Variants in TBC1D5 observed in about 807,000 individuals in gnomAD.
The protein encoded by TBC1D5 is TBC1 domain family, member 5.
In TBC1D5, 75 loss-of-function variants were observed where a neutral mutation model predicts 100.3. The ratio of observed to expected loss-of-function variants is 0.75; its 90% CI spans 0.62 to 0.91. TBC1D5 has a LOEUF of 0.91. Ranked by LOEUF, TBC1D5 falls within the 40% of genes least tolerant of loss-of-function variation. The pLI, the probability that TBC1D5 is intolerant of heterozygous loss-of-function variation, is 0.00. For missense variants in TBC1D5, 910 were observed against 942.4 expected, an observed-to-expected ratio of 0.97 and a Z score of 0.45; for synonymous variants, 323 against 325.6, an observed-to-expected ratio of 0.99 and a Z score of 0.09.
chr3:17,667,393 C>T lies in TBC1D5; in HGVS notation c.-100-43480G>A, dbSNP rs148709424. Among the ~76,000 whole-genome samples the T allele has an allele frequency of 4.6e-3, 699 of 152,188 alleles. 7 individuals are homozygous for T. The highest frequency in any genetic ancestry group is 0.016 in the African/African-American group (644 of 41,532). On this transcript the variant is annotated intron_variant, in intron 1 of 21. Coordinates refer to ENST00000253692, the Ensembl canonical transcript of TBC1D5. ...AAGCCCTTTATTTTAGAAAGAACCA[C>T]TGATTTTCAACGCAATTACTTTTGT...
intron 2 of TBC1D5, among the ~76,000 whole-genome samples, chr3:17,587,002 A>T (rs1028964850): frequency 6.6e-6 from 1 of 152,080 alleles, no homozygotes. Flanking sequence ...TGTGAAAAAA[A>T]TTCCATTGAA....
At chr3:17,399,040 G>A (rs2093581185) in intron 8 of TBC1D5, among the ~76,000 whole-genome samples, 1 of 152,108 alleles carries the variant, frequency 6.6e-6, no homozygotes. Flanking sequence ...AATCTAACAG[G>A]AAGCAGAGGG....
chr3:17,684,834 T>C (rs2070028388), intron 1 of TBC1D5, among the ~76,000 whole-genome samples: 1 of 151,932 alleles, frequency 6.6e-6, no homozygotes, highest in Non-Finnish European at 1.5e-5. Context: ...AAGGTGGATT[T>C]AAAAAAACAA....
intron 1 of TBC1D5, among the ~76,000 whole-genome samples, chr3:17,690,975 T>C (rs2071071900): frequency 1.3e-5 from 2 of 152,074 alleles, no homozygotes; most frequent in Non-Finnish European, 2.9e-5. Context: ...TGTTTAAGGG[T>C]TTAGTTAGCA....
At chr3:17,658,125 G>C (rs1004585140) in intron 1 of TBC1D5, among the ~76,000 whole-genome samples, 8 of 152,198 alleles carry the variant, frequency 5.3e-5, no homozygotes, top group Non-Finnish European at 8.8e-5. Context: ...GTGGCAGTCT[G>C]TACATCATCT....
intron 13 of TBC1D5, among the ~76,000 whole-genome samples, chr3:17,308,933 A>G (rs963132365): frequency 6.6e-6 from 1 of 152,110 alleles, no homozygotes; most frequent in African/African-American, 2.4e-5. Context: ...TAATTCTTAT[A>G]AGAAAAAAAT....
At chr3:17,716,820 T>A (rs1441433886) in intron 1 of TBC1D5, among the ~76,000 whole-genome samples, 4 of 152,190 alleles carry the variant, frequency 2.6e-5, no homozygotes, top group Non-Finnish European at 1.5e-5. Flanking sequence ...TATCTACCAT[T>A]TGTTTTTATT....
chr3:17,315,416 C>A (rs2084571778), intron 13 of TBC1D5, among the ~76,000 whole-genome samples: 1 of 152,324 alleles, frequency 6.6e-6, no homozygotes, highest in East Asian at 1.9e-4. Context: ...CATGTAGAAG[C>A]CCCATGATAC....
At chr3:17,427,272 A>C (rs1329904626) in intron 4 of TBC1D5, among the ~76,000 whole-genome samples, 1 of 151,978 alleles carries the variant, frequency 6.6e-6, no homozygotes, top group East Asian at 1.9e-4. Flanking sequence ...TGAACAACTG[A>C]TTATGTATAC....
chr3:17,635,211 G>C (rs1271643304), intron 1 of TBC1D5, among the ~76,000 whole-genome samples: 1 of 152,076 alleles, frequency 6.6e-6, no homozygotes, highest in Non-Finnish European at 1.5e-5. Context: ...AAGAACAGGA[G>C]GTCAGTTTTT....
chr3:17,406,602 T>C (rs2093776914), intron 4 of TBC1D5, 76 bp from the exon 5 acceptor site: 1 of 1,354,128 alleles, frequency 7.4e-7, no homozygotes. Context: ...TACGGGAAAT[T>C]AATTTTAAGT....
intron 3 of TBC1D5, among the ~76,000 whole-genome samples, chr3:17,460,639 C>CTATT (rs1452784505): frequency 1.1e-4 from 16 of 151,924 alleles, no homozygotes; most frequent in Admixed American, 6.6e-4. Flanking sequence ...TCAAATTTGA[C>CTATT]TATTTTCAAA....
intron 2 of TBC1D5, among the ~76,000 whole-genome samples, chr3:17,577,923 G>A (rs913628993): frequency 7.9e-5 from 12 of 151,884 alleles, no homozygotes; most frequent in Non-Finnish European, 1.6e-4. Flanking sequence ...ATGACTTCCC[G>A]TCACTTATGT....
intron 2 of TBC1D5, among the ~76,000 whole-genome samples, chr3:17,593,327 G>C (rs1451343342): frequency 6.6e-6 from 1 of 152,156 alleles, no homozygotes; most frequent in Non-Finnish European, 1.5e-5. Context: ...AGTGGTCATG[G>C]TGGCAGGGAT....
chr3:17,727,430 T>C (rs2076217359), intron 1 of TBC1D5, among the ~76,000 whole-genome samples: 1 of 152,044 alleles, frequency 6.6e-6, no homozygotes, highest in South Asian at 2.1e-4. Context: ...GCTTAGCCAG[T>C]GTGGTGAAAA....
chr3:17,519,389 C>A (rs542343011), intron 2 of TBC1D5, among the ~76,000 whole-genome samples: 1 of 152,344 alleles, frequency 6.6e-6, no homozygotes, highest in African/African-American at 2.4e-5. Context: ...TGTGGCTCCT[C>A]TGCAAGGCAC....
At chr3:17,227,842 TAAAATAA>T (rs1396971970) in intron 17 of TBC1D5, among the ~76,000 whole-genome samples, 3 of 144,794 alleles carry the variant, frequency 2.1e-5, no homozygotes, top group Admixed American at 1.4e-4. Context: ...CCACTGAACC[TAAAATAA>T]AAGTTTTTTT....
rs189642707 is a variant in TBC1D5 at position 17,456,295 on chromosome 3, A to C, written c.98-27776T>G. ...ACAGGCAATCAAACCAAAAATTGACAAATGGGATCACATCAAGTTAAAAAT... is the reference window on the plus strand; with the variant it reads ...ACAGGCAATCAAACCAAAAATTGACCAATGGGATCACATCAAGTTAAAAAT... On this transcript the variant is annotated intron_variant, in intron 3 of 21. Transcript: ENST00000253692. Among the ~76,000 whole-genome samples, 20 of 152,326 alleles carry C rather than the reference A, an allele frequency of 1.3e-4. No individual in the cohort carries two copies. In the East Asian group the frequency reaches 3.5e-3, roughly 26 times the overall value.
At chr3:17,159,940 G>A (rs1274915244) in exon 22 of TBC1D5, 3 of 152,244 alleles carry the variant, frequency 2.0e-5, no homozygotes, top group Non-Finnish European at 4.4e-5. Context: ...CTACCTTAAG[G>A]CCAATGAGGG....
Sources: gnomAD v4.1 joint callset for allele counts (sites outside exome capture counted in the v4.1 genomes callset) on GRCh38, gnomAD v4.1.1 for gene constraint, MANE v1.5 for transcripts, NCBI Gene and HGNC (gene_info 2026-07-23, HGNC 2026-07-21) for gene names.